The following TLK1 variants were observed in gnomAD, a reference collection of about 807,000 sequenced individuals.
TLK1 encodes tousled like kinase 1, also known as serine/threonine-protein kinase tousled-like 1.
TLK1 carries 24 observed loss-of-function variants against 105.3 expected under a neutral mutation model. That is an observed-to-expected ratio of 0.23 (90% CI 0.17 to 0.32). The LOEUF is 0.32. TLK1 is among the 10% of genes least tolerant of loss of function. The pLI is 1.00. For synonymous variants in TLK1, 321 were observed against 310.4 expected (o/e 1.03, Z -0.36); for missense variants, 558 against 910.5 (o/e 0.61, Z 4.98).
chr2:171,176,275 C>A (rs1159666641), intron 1 of TLK1, among the ~76,000 whole-genome samples: 1 of 152,094 alleles, frequency 6.6e-6, no homozygotes, highest in Non-Finnish European at 1.5e-5. Context: ...CCAGGTGATT[C>A]TAATTGGGAC....
chr2:171,119,534 A>G (rs562720670), intron 1 of TLK1, among the ~76,000 whole-genome samples: 24 of 152,256 alleles, frequency 1.6e-4, no homozygotes, highest in Non-Finnish European at 2.9e-4. Context: ...TGCTTTATAA[A>G]AAACTATCAA....
chr2:171,069,744 T>C (rs1464127320), intron 3 of TLK1, among the ~76,000 whole-genome samples: 2 of 152,218 alleles, frequency 1.3e-5, no homozygotes, highest in African/African-American at 2.4e-5. Flanking sequence ...CCAGAGGCTA[T>C]ATGACATGTG....
intron 1 of TLK1, among the ~76,000 whole-genome samples, chr2:171,217,973 G>T (rs772604985): frequency 3.9e-5 from 6 of 152,178 alleles, no homozygotes; most frequent in Non-Finnish European, 8.8e-5. Flanking sequence ...ACAGAGTAAG[G>T]CCGGGCATGG....
At chr2:171,066,957 T>C (rs1366877509) in intron 3 of TLK1, 5 of 1,541,832 alleles carry the variant, frequency 3.2e-6, no homozygotes, top group Non-Finnish European at 4.4e-6. Flanking sequence ...TGTTGGCATT[T>C]TGAAAGTGCT....
intron 2 of TLK1, among the ~76,000 whole-genome samples, chr2:171,101,346 CAAAAA>C (rs71401403): frequency 6.3e-5 from 4 of 63,498 alleles, no homozygotes; most frequent in South Asian, 1.3e-3. Flanking sequence ...AACTCCGTCT[CAAAAA>C]AAAAAAAAAA....
At chr2:171,117,920 C>T (rs921498983) in intron 1 of TLK1, 63 bp from the exon 2 acceptor site, 5 of 1,108,370 alleles carry the variant, frequency 4.5e-6, no homozygotes, top group Admixed American at 2.4e-5. Context: ...TACTTACACA[C>T]ACAAATATAT....
intron 3 of TLK1, among the ~76,000 whole-genome samples, chr2:171,071,867 C>G (rs1688273519): frequency 6.6e-6 from 1 of 152,106 alleles, no homozygotes; most frequent in Admixed American, 6.5e-5. Context: ...TTCTTGGCAC[C>G]TTTGTCAAAA....
At chr2:171,003,054 C>A (rs1300521560) in intron 18 of TLK1, among the ~76,000 whole-genome samples, 1 of 151,826 alleles carries the variant, frequency 6.6e-6, no homozygotes, top group Admixed American at 6.6e-5. Context: ...GCGGGTGGAT[C>A]ATGAGGTCAG....
intron 14 of TLK1, among the ~76,000 whole-genome samples, chr2:171,010,202 A>C (rs189801624): frequency 6.6e-6 from 1 of 152,288 alleles, no homozygotes; most frequent in Admixed American, 6.5e-5. Flanking sequence ...TAATAGCAGG[A>C]ACTAGGGGCT....
At chr2:171,020,556 GA>G (rs947965416) in intron 12 of TLK1, among the ~76,000 whole-genome samples, 6 of 147,330 alleles carry the variant, frequency 4.1e-5, no homozygotes, top group South Asian at 2.2e-4. Flanking sequence ...AAGAAAAAAA[GA>G]AAAAAAAAGC....
intron 2 of TLK1, among the ~76,000 whole-genome samples, chr2:171,094,987 A>G (rs1217398382): frequency 6.6e-6 from 1 of 152,196 alleles, no homozygotes; most frequent in Non-Finnish European, 1.5e-5. Context: ...TTTGTTATAA[A>G]TCACAAACAT....
At chr2:171,059,792 G>T (rs1687662173) in intron 4 of TLK1, 7 of 664,792 alleles carry the variant, frequency 1.1e-5, no homozygotes, top group Non-Finnish European at 1.9e-5. Context: ...ATTCTCATAA[G>T]GGAGTGCATA....
chr2:171,010,977 C>T (rs1221402772), intron 14 of TLK1, among the ~76,000 whole-genome samples: 1 of 152,122 alleles, frequency 6.6e-6, no homozygotes, highest in Admixed American at 6.5e-5. Flanking sequence ...ATAATGAGGA[C>T]ATATAATCAA....
At chr2:171,196,415 A>G (rs1265320857) in intron 1 of TLK1, among the ~76,000 whole-genome samples, 2 of 152,208 alleles carry the variant, frequency 1.3e-5, no homozygotes, top group East Asian at 3.9e-4. Context: ...CCACACCAGG[A>G]CTTGTAGCCA....
intron 1 of TLK1, among the ~76,000 whole-genome samples, chr2:171,133,788 C>T (rs1172276761): frequency 6.7e-6 from 1 of 149,186 alleles, no homozygotes; most frequent in Non-Finnish European, 1.5e-5. Flanking sequence ...TTTGAGTGTA[C>T]ATAATGAGGT....
At chr2:171,070,529 T>G (rs1177965079) in intron 3 of TLK1, among the ~76,000 whole-genome samples, 1 of 152,176 alleles carries the variant, frequency 6.6e-6, no homozygotes, top group Non-Finnish European at 1.5e-5. Flanking sequence ...CATGTGAAGT[T>G]TGTCTTTCTG....
intron 1 of TLK1, among the ~76,000 whole-genome samples, chr2:171,192,366 G>A (rs971479258): frequency 6.6e-6 from 1 of 152,108 alleles, no homozygotes; most frequent in Non-Finnish European, 1.5e-5. Flanking sequence ...ACCCTCCAAA[G>A]GGCATTTGGA....
intron 1 of TLK1, among the ~76,000 whole-genome samples, chr2:171,200,685 A>G (rs2105319768): frequency 6.6e-6 from 1 of 152,308 alleles, no homozygotes; most frequent in Admixed American, 6.5e-5. Context: ...ATAGCACTAC[A>G]CTGGGCAATA....
chr2:171,102,094 T>G (rs1334490211), intron 2 of TLK1, among the ~76,000 whole-genome samples: 5 of 152,214 alleles, frequency 3.3e-5, no homozygotes, highest in Non-Finnish European at 5.9e-5. Context: ...TTATACAGAC[T>G]GCATTGCATA....
Sources: allele counts gnomAD v4.1 joint callset (sites outside exome capture counted in the v4.1 genomes callset), GRCh38; gene constraint gnomAD v4.1.1; transcripts MANE v1.5; gene names NCBI Gene and HGNC (gene_info 2026-07-23, HGNC 2026-07-21).